The following DHX57 variants were observed in gnomAD, a reference collection of about 807,000 sequenced individuals.
DHX57 encodes putative ATP-dependent RNA helicase DHX57.
Under a neutral mutation model 156.2 loss-of-function variants are expected in DHX57, and 105 were observed. The ratio of observed to expected loss-of-function variants is 0.67; its 90% CI spans 0.57 to 0.79. The LOEUF (loss-of-function observed/expected upper bound fraction) is 0.79. Among genes scored for constraint, DHX57 ranks in the 30% least tolerant of loss-of-function variants. The pLI, the probability that DHX57 is intolerant of heterozygous loss-of-function variation, is 0.00. For synonymous variants in DHX57, 704 were observed against 595.6 expected (o/e 1.18, Z -2.65); for missense variants, 1,847 against 1,661.9 (o/e 1.11, Z -1.94).
At chr2:38,843,365 A>G (rs1279616637) in intron 11 of DHX57, among the ~76,000 whole-genome samples, 155 bp from the exon 12 acceptor site, 2 of 151,880 alleles carry the variant, frequency 1.3e-5, no homozygotes, top group African/African-American at 4.8e-5. Context: ...GCTGTACCCT[A>G]TTTCTGGTTG....
At position 38,819,145 on chromosome 2, in the gene DHX57, C is replaced by A; in HGVS notation, c.3292-1G>T. 6.2e-7 allele frequency: 1 copy of A among 1,612,600 alleles called. No homozygotes were observed. Among genetic ancestry groups the A allele is most frequent in the Non-Finnish European group, 8.5e-7 (1 of 1,179,628 alleles). ...CTTCTTTTTTATCCCAGGGAGATAC[C>A]TAAAGGAGAGAGGAAAATCAGATTT... On this transcript the variant is annotated splice_acceptor_variant, in intron 17 of 23. Coordinates refer to ENST00000457308, the MANE Select transcript of DHX57 (RefSeq NM_198963.3). LOFTEE classifies it high-confidence loss of function.
chr2:38,824,599 G>T (rs1422711467), intron 16 of DHX57, among the ~76,000 whole-genome samples: 1 of 152,076 alleles, frequency 6.6e-6, no homozygotes, highest in African/African-American at 2.4e-5. Context: ...AGGTTTAAAC[G>T]ATCCACTTAT....
At chr2:38,813,562 T>C (rs1430074204) in intron 21 of DHX57, among the ~76,000 whole-genome samples, 3 of 151,314 alleles carry the variant, frequency 2.0e-5, no homozygotes, top group East Asian at 2.0e-4. Flanking sequence ...TTAGTAGAGA[T>C]GGGGTTTCAC....
chr2:38,851,162 T>C (rs1164038891), intron 9 of DHX57, among the ~76,000 whole-genome samples: 1 of 152,330 alleles, frequency 6.6e-6, no homozygotes, highest in East Asian at 1.9e-4. Context: ...CAATAGTGTT[T>C]GTGGAAATAC....
chr2:38,813,681 T>C (rs1670386670), intron 21 of DHX57, 140 bp downstream of exon 21: 4 of 994,128 alleles, frequency 4.0e-6, no homozygotes, highest in South Asian at 1.6e-5. Context: ...CGAAAATGTA[T>C]ACTAAGTTTA....
At position 38,820,735 on chromosome 2, in the gene DHX57, T is replaced by C. The variant is rs915890291; in HGVS notation, c.3292-1591A>G. ...TTTTTGCAGATCTGTGAGTTTATAA[T>C]TCGATGACATATAACATTAAAACTG... On this transcript the variant is annotated intron_variant, in intron 17 of 23. Transcript: ENST00000457308. Among the ~76,000 whole-genome samples the C allele has an allele frequency of 1.3e-5, 2 of 152,160 alleles. 1 individual carries two copies.
In DHX57 at chr2:38,862,230, G is replaced by T; in HGVS notation, c.487C>A (p.Pro163Thr). Reference protein sequence around the residue: ...QEPSLVPDLDPLEYAGLASVE... With the variant: ...QEPSLVPDLDTLEYAGLASVE... ...GAGGCTAAGCCAGCATATTCCAAAG[G>T]ATCCAAGTCGGGAACGAGGGAAGGT... The change falls in exon 4 of 24, where the codon CCT (proline) becomes ACT (threonine). Residue 163 changes from proline (P) to threonine (T), a missense_variant. Coordinates refer to ENST00000457308, the MANE Select transcript of DHX57 (RefSeq NM_198963.3). The T allele has an allele frequency of 3.7e-6, 6 of 1,613,928 alleles. No homozygotes were observed. Among genetic ancestry groups the T allele is most frequent in the Non-Finnish European group, 5.1e-6 (6 of 1,179,872 alleles).
chr2:38,831,861 T>C (rs1299473393), intron 13 of DHX57, among the ~76,000 whole-genome samples: 1 of 110,462 alleles, frequency 9.1e-6, no homozygotes, highest in African/African-American at 3.2e-5. Context: ...AAAAAAAAAA[T>C]TACAAAAATT....
At chr2:38,875,321 A>G (rs1342892847) in intron 1 of DHX57, among the ~76,000 whole-genome samples, 2 of 152,114 alleles carry the variant, frequency 1.3e-5, no homozygotes, top group African/African-American at 2.4e-5. Flanking sequence ...CTGAAAAGTG[A>G]CTACACACTA....
In DHX57 at chr2:38,860,816, C is replaced by G. The variant is rs576330148; in HGVS notation, c.1411+183G>C. 3.3e-5 allele frequency among the ~76,000 whole-genome samples: 5 copies of G among 152,302 alleles called. No individual in the cohort carries two copies. The South Asian group carries it at 8.3e-4, about 25-fold the overall frequency. ...CCCAACCACAGCAACACAATTGAGC[C>G]TTACAATTAAAGTCAGATACAATTA... On this transcript the variant is annotated intron_variant, in intron 5 of 23. Transcript: ENST00000457308.
chr2:38,833,253 C>T (rs757884841), intron 13 of DHX57, among the ~76,000 whole-genome samples: 10 of 152,076 alleles, frequency 6.6e-5, no homozygotes, highest in Non-Finnish European at 1.5e-4. Context: ...AGAGATTCTC[C>T]TGCCTCAGCC....
At chr2:38,833,522 A>G (rs1461423884) in intron 13 of DHX57, among the ~76,000 whole-genome samples, 1 of 152,148 alleles carries the variant, frequency 6.6e-6, no homozygotes, top group East Asian at 1.9e-4. Flanking sequence ...AATTGAGGAG[A>G]AACCTGAAGA....
intron 13 of DHX57, among the ~76,000 whole-genome samples, chr2:38,833,212 G>A (rs1671471728): frequency 6.6e-6 from 1 of 151,826 alleles, no homozygotes; most frequent in Non-Finnish European, 1.5e-5. Flanking sequence ...GCGCGATCTT[G>A]GCTCACTGCA....
intron 11 of DHX57, among the ~76,000 whole-genome samples, chr2:38,843,878 C>A (rs1374331386): frequency 3.3e-5 from 5 of 151,858 alleles, no homozygotes; most frequent in Admixed American, 3.3e-4. Context: ...GATTTTTTTT[C>A]CCTGGAGCCT....
chr2:38,845,062 T>C (rs1672196937), intron 11 of DHX57, among the ~76,000 whole-genome samples: 1 of 152,076 alleles, frequency 6.6e-6, no homozygotes, highest in African/African-American at 2.4e-5. Context: ...CCAGGCATGG[T>C]GGCACACATC....
chr2:38,836,530 T>C (rs1465888888), intron 13 of DHX57, among the ~76,000 whole-genome samples: 2 of 152,154 alleles, frequency 1.3e-5, no homozygotes, highest in Non-Finnish European at 2.9e-5. Flanking sequence ...TCCCAGCACT[T>C]TGGGAGGCCA....
chr2:38,815,406 A>G, intron 20 of DHX57, 115 bp downstream of exon 20: 1 of 1,346,834 alleles, frequency 7.4e-7, no homozygotes, highest in Non-Finnish European at 1.0e-6. Context: ...CAAGAATGCC[A>G]TTAACCCACT....
intron 1 of DHX57, among the ~76,000 whole-genome samples, chr2:38,874,436 G>T (rs1166906038): frequency 1.8e-5 from 2 of 111,944 alleles, no homozygotes; most frequent in African/African-American, 7.2e-5. Context: ...TTGAGACAGA[G>T]TCTCACTCTG....
In DHX57 at chr2:38,861,715, A is replaced by G. The variant is rs764945860; in HGVS notation, c.695T>C (p.Ile232Thr). 6.2e-7 allele frequency: 1 copy of G among 1,614,140 alleles called. No individual in the cohort carries two copies. The highest frequency in any genetic ancestry group is 8.5e-7 in the Non-Finnish European group (1 of 1,180,024). ...GCTTATCTGGTTGACTGCCTCAGAG[A>G]TCTTCATCCTCTCTCCAAATGTCTC... Reference protein sequence around the residue: ...FSETFGERMKISEAVNQISLD... With the variant: ...FSETFGERMKTSEAVNQISLD... Residue 232 changes from isoleucine to threonine, a missense_variant, in exon 5 of 24, where the codon ATC becomes ACC. Transcript: ENST00000457308.
Sources: allele counts gnomAD v4.1 joint callset (sites outside exome capture counted in the v4.1 genomes callset), GRCh38; gene constraint gnomAD v4.1.1; transcripts MANE v1.5; gene names NCBI Gene and HGNC (gene_info 2026-07-23, HGNC 2026-07-21).